The following CCDC88C variants were observed in gnomAD, a reference collection of about 807,000 sequenced individuals.
CCDC88C encodes coiled-coil and HOOK domain protein 88C, also known as protein Daple.
CCDC88C carries 131 observed loss-of-function variants against 198.8 expected under a neutral mutation model. The ratio of observed to expected loss-of-function variants is 0.66; its 90% CI spans 0.57 to 0.76. CCDC88C has a LOEUF of 0.76. Among genes scored for constraint, CCDC88C ranks in the 30% least tolerant of loss-of-function variants. The pLI is 0.00. For synonymous variants in CCDC88C, 1,166 were observed against 1,114.7 expected (o/e 1.05, Z -0.92); for missense variants, 2,553 against 2,631.6 (o/e 0.97, Z 0.65).
rs769298655 is a variant in CCDC88C, at chr14:91,338,285, C to T, written c.892-122G>A. 4.4e-5 allele frequency: 55 copies of T among 1,244,596 alleles called. No homozygotes were observed. The highest frequency in any genetic ancestry group is 7.4e-5 in the East Asian group (3 of 40,790). The allele number at this position is 1,244,596 out of a possible 1,614,324, so 77.1% of individuals were successfully genotyped here. ...CCAGGACAAGCCAGCTCCTGGTGGC[C>T]GGGGGCCTCCATGTGCCACCACCAC... On this transcript the variant is annotated intron_variant, in intron 9 of 29. Coordinates refer to ENST00000389857, the MANE Select transcript of CCDC88C (RefSeq NM_001080414.4). This position sits in a 1 kb window ranked among gnomAD's most constrained non-coding sequence, Gnocchi z 4.8.
Position 91,337,951 on chromosome 14 carries a change from T to TG in CCDC88C, c.1050+53_1050+54insC, listed in dbSNP as rs1273883914. 5.6e-6 allele frequency: 9 copies of TG among 1,597,136 alleles called. No homozygotes were observed. The African/African-American group carries it at 1.2e-4, about 21-fold the overall frequency. Reference sequence around the variant, plus strand: ...CAAGGACAGGTCAGTCTGAATGTGCTTCTCAGGAATTTCCAGCAGCCCCAT... The same window carrying TG: ...CAAGGACAGGTCAGTCTGAATGTGCTGTCTCAGGAATTTCCAGCAGCCCCAT... On this transcript the variant is annotated intron_variant, in intron 10 of 29. Transcript: ENST00000389857.
At chr14:91,386,331 G>T (rs1885142661) in intron 3 of CCDC88C, among the ~76,000 whole-genome samples, 1 of 151,646 alleles carries the variant, frequency 6.6e-6, no homozygotes, top group Non-Finnish European at 1.5e-5. Flanking sequence ...CATGGTGGTG[G>T]GTGCCTGTAA....
chr14:91,303,456 CCT>C (rs1287580428), intron 20 of CCDC88C, among the ~76,000 whole-genome samples: 1 of 149,182 alleles, frequency 6.7e-6, no homozygotes, highest in Non-Finnish European at 1.5e-5. Context: ...CCAGGCTCCA[CCT>C]CTCTCCCCAG....
rs1257132513 is a variant in CCDC88C, at chr14:91,307,154, G to C, written c.3079C>G (p.Pro1027Ala). 1 of 1,613,800 alleles carries C rather than the reference G, an allele frequency of 6.2e-7. No homozygotes were observed. ...TGACTGGCGGCTGTCTTCCCCGCAG[G>C]GTGCTTGAAAGAGTTCTGCAAGTGC... is the stretch of plus-strand genomic sequence containing the variant. Reference protein sequence around the residue: ...GQHLQNSFKHPAGKTAASHQG... With the variant: ...GQHLQNSFKHAAGKTAASHQG... Residue 1027 changes from proline (P) to alanine (A), a missense_variant, in exon 18 of 30, where the codon CCT (proline) becomes GCT (alanine). Transcript: ENST00000389857.
At chr14:91,355,296 T>C (rs994863735) in intron 4 of CCDC88C, among the ~76,000 whole-genome samples, 5 of 152,024 alleles carry the variant, frequency 3.3e-5, no homozygotes, top group African/African-American at 9.7e-5. Flanking sequence ...TAAGGATGGC[T>C]GAGGGGAAAC....
At chr14:91,302,312 G>A (rs1234480684) in intron 20 of CCDC88C, among the ~76,000 whole-genome samples, 9 of 152,222 alleles carry the variant, frequency 5.9e-5, no homozygotes, top group African/African-American at 2.2e-4. Context: ...CCCAGGCAAA[G>A]GAAGTAGATC....
Position 91,273,376 on chromosome 14 carries a change from A to G in CCDC88C, c.5336T>C (p.Leu1779Pro). The G allele has an allele frequency of 1.3e-6, 2 of 1,532,462 alleles. No homozygotes were observed. Among genetic ancestry groups the G allele is most frequent in the South Asian group, 1.3e-5 (1 of 79,970 alleles). The allele number at this position is 1,532,462 out of a possible 1,614,324, so 94.9% of individuals were successfully genotyped here. A position where few individuals can be genotyped will look rare whatever the true frequency, so the allele number is the denominator to read the frequency against. ...CACCGGAGCCTGCCGGGGTCTGCCC[A>G]GAGACAGGCTCTGGGGAGGCTGGGC... ...RQAQPPQSLS[L>P]GRPRQAPVPP... The change falls in exon 30 of 30, where the codon CTG becomes CCG. Residue 1779 changes from leucine to proline, a missense_variant. Physicochemically the swap from Leu to Pro is moderately conservative, Grantham distance 98. Coordinates refer to ENST00000389857, the MANE Select transcript of CCDC88C (RefSeq NM_001080414.4). The surrounding 1 kb of genome is among the most constrained non-coding windows in gnomAD (Gnocchi z 5.6).
intron 4 of CCDC88C, among the ~76,000 whole-genome samples, chr14:91,344,494 A>G (rs1407055197): frequency 2.0e-5 from 3 of 151,770 alleles, no homozygotes; most frequent in Non-Finnish European, 4.4e-5. Flanking sequence ...AGTAAATTCT[A>G]TAAGATAACA....
chr14:91,350,642 G>A (rs890795675), intron 4 of CCDC88C, among the ~76,000 whole-genome samples: 1 of 152,124 alleles, frequency 6.6e-6, no homozygotes, highest in African/African-American at 2.4e-5. Flanking sequence ...CTCCACAGAC[G>A]AACAGGGGTC....
intron 10 of CCDC88C, among the ~76,000 whole-genome samples, chr14:91,331,745 A>T (rs559327330): frequency 1.3e-5 from 2 of 152,174 alleles, no homozygotes; most frequent in Non-Finnish European, 2.9e-5. Context: ...GAATAAGCCC[A>T]TTGCAAACAT....
chr14:91,404,246 C>T (rs1300490027), intron 3 of CCDC88C, among the ~76,000 whole-genome samples: 2 of 152,228 alleles, frequency 1.3e-5, no homozygotes, highest in East Asian at 1.9e-4. Flanking sequence ...ACCCCCTCAA[C>T]ACCCCCTGCT....
intron 13 of CCDC88C, among the ~76,000 whole-genome samples, chr14:91,319,181 G>A (rs1892241817): frequency 6.6e-6 from 1 of 152,220 alleles, no homozygotes; most frequent in African/African-American, 2.4e-5. Context: ...TCCACAGTGT[G>A]AGGCAGGTGG....
chr14:91,365,668 A>G (rs1894500447), intron 3 of CCDC88C, among the ~76,000 whole-genome samples: 1 of 152,198 alleles, frequency 6.6e-6, no homozygotes, highest in Admixed American at 6.5e-5. Flanking sequence ...TGACATCCTT[A>G]GCCCCGCTCT....
At chr14:91,323,050 T>C (rs1892426027) in intron 12 of CCDC88C, among the ~76,000 whole-genome samples, 1 of 151,948 alleles carries the variant, frequency 6.6e-6, no homozygotes, top group African/African-American at 2.4e-5. Flanking sequence ...GGATTACAGG[T>C]GTGCACCACC....
chr14:91,356,395 C>A (rs753380377), intron 4 of CCDC88C, among the ~76,000 whole-genome samples: 40 of 152,164 alleles, frequency 2.6e-4, no homozygotes, highest in Non-Finnish European at 5.0e-4. Context: ...GCCCTCTGAG[C>A]CCTCGGTGAT....
At chr14:91,310,854 C>CCCT (rs1193234599) in intron 15 of CCDC88C, among the ~76,000 whole-genome samples, 13 of 152,186 alleles carry the variant, frequency 8.5e-5, no homozygotes, top group South Asian at 8.3e-4. Flanking sequence ...GCACGCTTAA[C>CCCT]CCTCCTACCA....
chr14:91,351,731 C>T (rs539907306), intron 4 of CCDC88C, among the ~76,000 whole-genome samples: 11 of 152,164 alleles, frequency 7.2e-5, no homozygotes, highest in East Asian at 1.9e-4. Context: ...AGGAGCCTCC[C>T]GGGGGCACTC....
chr14:91,279,333 T>C (rs1237805255), intron 27 of CCDC88C, 27 bp from the exon 28 acceptor site: 1 of 1,566,836 alleles, frequency 6.4e-7, no homozygotes, highest in Non-Finnish European at 8.7e-7. Context: ...GTGTTAAAAT[T>C]AAAAAGCCAA....
intron 10 of CCDC88C, among the ~76,000 whole-genome samples, chr14:91,328,429 C>T (rs1381647694): frequency 6.6e-6 from 1 of 152,184 alleles, no homozygotes; most frequent in Non-Finnish European, 1.5e-5. Flanking sequence ...GGATTCCACA[C>T]CTCTGGGTAG....
Sources: allele counts gnomAD v4.1 joint callset (sites outside exome capture counted in the v4.1 genomes callset), GRCh38; gene constraint gnomAD v4.1.1; non-coding constraint Gnocchi (gnomAD v3.1); transcripts MANE v1.5; gene names NCBI Gene and HGNC (gene_info 2026-07-23, HGNC 2026-07-21).